The following TENM2 variants were observed in gnomAD, a reference collection of about 807,000 sequenced individuals.
TENM2 encodes teneurin-2.
In TENM2, 52 loss-of-function variants were observed where a neutral mutation model predicts 245.2. The ratio of observed to expected loss-of-function variants is 0.21; its 90% confidence interval spans 0.17 to 0.27. The LOEUF is 0.27. TENM2 is among the 10% of genes least tolerant of loss of function. The probability of loss-of-function intolerance (pLI) is 1.00; values close to 1 mark genes in which losing one functional copy is unlikely to be tolerated. For synonymous variants in TENM2, 1,363 were observed against 1,438.9 expected, an observed-to-expected ratio of 0.95 and a Z score of 1.19; for missense variants, 3,046 against 3,666.8, an observed-to-expected ratio of 0.83 and a Z score of 4.37.
intron 2 of TENM2, among the ~76,000 whole-genome samples, chr5:167,609,609 G>A (rs1777333945): frequency 1.3e-5 from 2 of 151,430 alleles, no homozygotes; most frequent in Admixed American, 6.6e-5. Flanking sequence ...AAGGTCAAGT[G>A]AAGACTAAAT....
At chr5:167,464,204 C>T (rs17499927) in intron 2 of TENM2, among the ~76,000 whole-genome samples, 65,649 of 151,836 alleles carry the variant, frequency 0.43, 14,516 homozygotes, top group Middle Eastern at 0.52. Context: ...AGAGTTCTAG[C>T]CCTGAGGAAA....
the TENM2 span, among the ~76,000 whole-genome samples, chr5:167,009,607 C>T: frequency 5.9e-5 from 9 of 152,232 alleles, no homozygotes; most frequent in South Asian, 1.7e-3. Context: ...TTTTAATCTC[C>T]AAATTCCTCA....
At chr5:167,920,291 C>T (rs1233301082) in intron 3 of TENM2, among the ~76,000 whole-genome samples, 1 of 147,034 alleles carries the variant, frequency 6.8e-6, no homozygotes, top group East Asian at 2.0e-4. Flanking sequence ...CAGGAGTTCT[C>T]GACCAGCCTG....
chr5:167,557,387 T>C (rs2127633761), intron 2 of TENM2, among the ~76,000 whole-genome samples: 1 of 152,314 alleles, frequency 6.6e-6, no homozygotes, highest in Non-Finnish European at 1.5e-5. Context: ...ATTGCCTGTG[T>C]TCAAATCCCA....
intron 12 of TENM2, among the ~76,000 whole-genome samples, chr5:168,145,360 A>AGGTGTAAG (rs1755960876): frequency 7.3e-6 from 1 of 136,530 alleles, no homozygotes; most frequent in Admixed American, 7.7e-5. Flanking sequence ...TTTTTGTATA[A>AGGTGTAAG]GGTGTAAGGA....
intron 2 of TENM2, among the ~76,000 whole-genome samples, chr5:167,607,316 C>A (rs1282443773): frequency 6.6e-6 from 1 of 152,174 alleles, no homozygotes; most frequent in Non-Finnish European, 1.5e-5. Flanking sequence ...CATCCCAGCG[C>A]TGCTCGATCA....
chr5:167,573,170 A>C (rs1455101885), intron 2 of TENM2, among the ~76,000 whole-genome samples: 1 of 152,108 alleles, frequency 6.6e-6, no homozygotes, highest in Non-Finnish European at 1.5e-5. Flanking sequence ...GTAGAGTTCC[A>C]TCTGCCAGTA....
rs1765723733 is a variant in TENM2 at position 168,238,222 on chromosome 5, A to AAAAGAAAAG, written c.5521-6197_5521-6196insAAGAAAAGA. Reference sequence around the variant, plus strand: ...GGGAGGGAGGGAGGGAGGGAGAGAGAAGAAAAGAAAAGAAAAGAAAAGAAA... The same window carrying AAAAGAAAAG: ...GGGAGGGAGGGAGGGAGGGAGAGAGAAAAGAAAAGAGAAAAGAAAAGAAAAGAAAAGAAA... On this transcript the variant is annotated intron_variant, in intron 25 of 28. Transcript: ENST00000518659. Among the ~76,000 whole-genome samples the AAAAGAAAAG allele has an allele frequency of 2.6e-4, 10 of 37,862 alleles. 1 individual carries two copies. The highest frequency in any genetic ancestry group is 5.6e-4 in the Non-Finnish European group (9 of 15,982). 24.8% of individuals were successfully genotyped at this position (37,862 alleles called of 152,430 possible). A position where few individuals can be genotyped will look rare whatever the true frequency, so the allele number is the denominator to read the frequency against.
chr5:167,094,264 T>C, the TENM2 span, among the ~76,000 whole-genome samples: 1 of 152,180 alleles, frequency 6.6e-6, no homozygotes, highest in Admixed American at 6.5e-5. Flanking sequence ...TATACTCTCA[T>C]GAAACCATCA....
intron 2 of TENM2, among the ~76,000 whole-genome samples, chr5:167,687,024 G>T (rs879818771): frequency 6.6e-6 from 1 of 152,114 alleles, no homozygotes; most frequent in Non-Finnish European, 1.5e-5. Context: ...AAAACACATT[G>T]CCAAATACTT....
intron 1 of TENM2, among the ~76,000 whole-genome samples, chr5:167,313,740 A>ATTT (rs1215180984): frequency 6.6e-6 from 1 of 152,198 alleles, no homozygotes; most frequent in Non-Finnish European, 1.5e-5. Flanking sequence ...CTCTGCCTCT[A>ATTT]TGTAGACTCA....
At chr5:167,563,883 G>A (rs1408682685) in intron 2 of TENM2, among the ~76,000 whole-genome samples, 1 of 152,212 alleles carries the variant, frequency 6.6e-6, no homozygotes, top group Non-Finnish European at 1.5e-5. Context: ...GCTTAGGTGT[G>A]AAGTAGGGTT....
intron 12 of TENM2, among the ~76,000 whole-genome samples, chr5:168,139,244 A>C: frequency 6.6e-6 from 1 of 152,240 alleles, no homozygotes; most frequent in East Asian, 1.9e-4. Flanking sequence ...AAACTTAGTT[A>C]AATCAAATGA....
chr5:167,727,593 A>G (rs762983656), intron 2 of TENM2, among the ~76,000 whole-genome samples: 1 of 152,230 alleles, frequency 6.6e-6, no homozygotes, highest in Non-Finnish European at 1.5e-5. Flanking sequence ...ACCTTGATCT[A>G]CTTTTCGACA....
Position 167,357,297 on chromosome 5 carries a change from T to A in TENM2, c.227-17901T>A, listed in dbSNP as rs1008894278. Among the ~76,000 whole-genome samples, 5 of 35,708 alleles carry A rather than the reference T, an allele frequency of 1.4e-4. No individual in the cohort carries two copies. The Admixed American group carries it at 2.3e-3, about 16-fold the overall frequency. 23.4% of individuals were successfully genotyped at this position (35,708 alleles called of 152,430 possible). On this transcript the variant is annotated intron_variant, in intron 1 of 28. Coordinates refer to ENST00000518659, the Ensembl canonical transcript of TENM2. The stretch of plus-strand genomic sequence containing the variant: ...TTTCCCCCTTATGCAAGAGCCATCC[T>A]TTCTTTTTTTTTTTTTTTCTTGTTG...
intron 13 of TENM2, among the ~76,000 whole-genome samples, chr5:168,181,434 A>G (rs921260510): frequency 5.9e-5 from 9 of 152,060 alleles, no homozygotes; most frequent in Admixed American, 3.9e-4. Flanking sequence ...TCCCACATCC[A>G]TCCTAAAGAG....
intron 6 of TENM2, among the ~76,000 whole-genome samples, chr5:168,049,267 G>A (rs1181722302): frequency 6.6e-6 from 1 of 152,114 alleles, no homozygotes; most frequent in African/African-American, 2.4e-5. Flanking sequence ...CAATAGTGCT[G>A]CCCTTGGAAA....
chr5:168,099,819 G>A (rs561346447), intron 9 of TENM2, among the ~76,000 whole-genome samples: 12 of 152,286 alleles, frequency 7.9e-5, no homozygotes, highest in South Asian at 4.1e-4. Flanking sequence ...TGGCACGTGC[G>A]TGAGACTTAA....
the TENM2 span, among the ~76,000 whole-genome samples, chr5:167,096,143 A>G: frequency 2.6e-5 from 4 of 152,140 alleles, no homozygotes; most frequent in Non-Finnish European, 4.4e-5. Context: ...TAGTAATTAT[A>G]TATATGTATA....
Sources: gnomAD v4.1 joint callset for allele counts (sites outside exome capture counted in the v4.1 genomes callset) on GRCh38, gnomAD v4.1.1 for gene constraint, MANE v1.5 for transcripts, NCBI Gene and HGNC (gene_info 2026-07-23, HGNC 2026-07-21) for gene names.